Variants in LHFPL4 observed in about 807,000 individuals in gnomAD.
The protein encoded by LHFPL4 is LHFPL tetraspan subfamily member 4 protein.
LHFPL4 carries 6 observed loss-of-function variants against 20.0 expected under a neutral mutation model. The ratio of observed to expected loss-of-function variants is 0.30; its 90% CI spans 0.16 to 0.59. The LOEUF is 0.59. LHFPL4 is among the 20% of genes least tolerant of loss of function. LHFPL4 has a pLI of 0.88. For missense variants in LHFPL4, 215 were observed against 331.2 expected (o/e 0.65, Z 2.72); for synonymous variants, 129 against 143.8 (o/e 0.90, Z 0.74).
chr3:9,539,367 AT>A (rs768942885), intron 2 of LHFPL4, among the ~76,000 whole-genome samples: 1 of 149,396 alleles, frequency 6.7e-6, no homozygotes, highest in South Asian at 2.1e-4. Context: ...AGGCAGGAGA[AT>A]TGTTTGAACC....
chr3:9,508,029 TGC>T (rs2046230814), intron 2 of LHFPL4, among the ~76,000 whole-genome samples: 1 of 152,144 alleles, frequency 6.6e-6, no homozygotes, highest in Non-Finnish European at 1.5e-5. Context: ...GTCCACAGGG[TGC>T]TTAGCCTGGG....
At chr3:9,520,502 T>C (rs977053070) in intron 2 of LHFPL4, among the ~76,000 whole-genome samples, 5 of 151,966 alleles carry the variant, frequency 3.3e-5, no homozygotes, top group African/African-American at 1.2e-4. Flanking sequence ...TACAGGCACG[T>C]GCCACCACGC....
intron 2 of LHFPL4, among the ~76,000 whole-genome samples, chr3:9,518,219 T>G (rs974422203): frequency 2.6e-5 from 4 of 152,208 alleles, no homozygotes; most frequent in Non-Finnish European, 5.9e-5. Context: ...TTAATTGTTT[T>G]TTAATGCTAA....
chr3:9,509,445 C>G (rs1260050658), intron 2 of LHFPL4, among the ~76,000 whole-genome samples: 1 of 152,184 alleles, frequency 6.6e-6, no homozygotes, highest in African/African-American at 2.4e-5. Flanking sequence ...ATAGATCCCA[C>G]AAATACAGTC....
chr3:9,538,595 T>A (rs1203924790), intron 2 of LHFPL4, among the ~76,000 whole-genome samples: 2 of 152,328 alleles, frequency 1.3e-5, no homozygotes, highest in East Asian at 3.9e-4. Flanking sequence ...TTATTATTAT[T>A]GTCCCCATTT....
chr3:9,523,161 G>A (rs987990466), intron 2 of LHFPL4, among the ~76,000 whole-genome samples: 11 of 151,724 alleles, frequency 7.3e-5, no homozygotes, highest in Middle Eastern at 3.4e-3. Context: ...GCTCATGCCT[G>A]TAATCCCAGC....
intron 2 of LHFPL4, among the ~76,000 whole-genome samples, chr3:9,525,200 A>G (rs1365270396): frequency 6.6e-6 from 1 of 152,248 alleles, no homozygotes; most frequent in East Asian, 1.9e-4. Context: ...TTTCTTCAAT[A>G]TTCACCGTAA....
intron 2 of LHFPL4, among the ~76,000 whole-genome samples, chr3:9,517,573 A>G (rs1382391489): frequency 6.6e-6 from 1 of 150,820 alleles, no homozygotes; most frequent in Non-Finnish European, 1.5e-5. Context: ...GTGTGGTGGC[A>G]TGTTCCCAGC....
chr3:9,502,087 G>A lies in LHFPL4; in HGVS notation c.*124C>T. 1 of 726,230 alleles carries A rather than the reference G, an allele frequency of 1.4e-6. No homozygotes were observed. The highest frequency in any genetic ancestry group is 2.4e-6 in the Non-Finnish European group (1 of 409,078). 45.0% of individuals were successfully genotyped at this position (726,230 alleles called of 1,614,324 possible). A position where few individuals can be genotyped will look rare whatever the true frequency, so the allele number is the denominator to read the frequency against. On this transcript the variant is annotated 3_prime_UTR_variant, in exon 4 of 4. Transcript: ENST00000287585. Reference sequence around the variant, plus strand: ...CTCTCCTCAAAGCCTGGAGCTTGCAGGGTAGTCGGTGAGAAGTAAGTCTGA... The same window carrying A: ...CTCTCCTCAAAGCCTGGAGCTTGCAAGGTAGTCGGTGAGAAGTAAGTCTGA...
rs1455235172 is a variant in LHFPL4, at chr3:9,498,769, A to G, written c.*3442T>C. ...AGAAAGGTTATTCCCCGTGTGCCCA[A>G]GCAGGATGCTCAAAAGGCCAGGGAC... On this transcript the variant is annotated 3_prime_UTR_variant, in exon 4 of 4. Coordinates refer to ENST00000287585, the MANE Select transcript of LHFPL4 (RefSeq NM_198560.3). 1 of 152,656 alleles carries G rather than the reference A, an allele frequency of 6.6e-6. No individual in the cohort carries two copies. The highest frequency in any genetic ancestry group is 1.5e-5 in the Non-Finnish European group (1 of 68,044). The allele number at this position is 152,656 out of a possible 1,614,324, so 9.5% of individuals were successfully genotyped here.
rs568848140 is a variant in LHFPL4, at chr3:9,521,826, T to A, written c.407-15623A>T. 1.8e-4 allele frequency among the ~76,000 whole-genome samples: 27 copies of A among 152,340 alleles called. 1 individual carries two copies. The highest frequency in any genetic ancestry group is 5.0e-4 in the African/African-American group (21 of 41,592). On this transcript the variant is annotated intron_variant, in intron 2 of 3. Transcript: ENST00000287585. ...GACAACATATAACTGAGTCTTTTTT[T>A]AAAATCTATTCTGATAATCTCTTTT... is the stretch of plus-strand genomic sequence containing the variant.
At chr3:9,545,831 C>T (rs2046508229) in intron 2 of LHFPL4, among the ~76,000 whole-genome samples, 1 of 152,104 alleles carries the variant, frequency 6.6e-6, no homozygotes, top group African/African-American at 2.4e-5. Flanking sequence ...ATTTCTTAAG[C>T]CCGGGAGCCC....
At chr3:9,524,435 GTTTGTTTTAGTCTTTTTCCCTTTACTT>G (rs2046360885) in intron 2 of LHFPL4, among the ~76,000 whole-genome samples, 1 of 151,926 alleles carries the variant, frequency 6.6e-6, no homozygotes, top group South Asian at 2.1e-4. Context: ...TTGTTTGTTA[GTTTGTTTTAGTCTTTTTCCCTTTACTT>G]TTTGTTTTTA....
At chr3:9,544,965 C>CT (rs1016263469) in intron 2 of LHFPL4, among the ~76,000 whole-genome samples, 5 of 152,148 alleles carry the variant, frequency 3.3e-5, no homozygotes, top group Non-Finnish European at 7.3e-5. Context: ...TTGTGATGAT[C>CT]TGTTTTTGTT....
chr3:9,524,746 G>C (rs1467610943), intron 2 of LHFPL4, among the ~76,000 whole-genome samples: 2 of 152,110 alleles, frequency 1.3e-5, no homozygotes, highest in African/African-American at 2.4e-5. Flanking sequence ...CCATAATTGA[G>C]CCGGGTTCAC....
intron 2 of LHFPL4, among the ~76,000 whole-genome samples, chr3:9,546,269 C>T (rs775358610): frequency 2.7e-5 from 4 of 149,934 alleles, no homozygotes; most frequent in Admixed American, 1.3e-4. Flanking sequence ...GAGCTGAGAT[C>T]GCACCACTGC....
At chr3:9,520,143 T>C (rs1006160741) in intron 2 of LHFPL4, among the ~76,000 whole-genome samples, 2 of 152,076 alleles carry the variant, frequency 1.3e-5, no homozygotes, top group African/African-American at 4.8e-5. Context: ...TTGTAAGTTG[T>C]GTTTTCATTT....
chr3:9,541,784 A>AATGG lies in LHFPL4; in HGVS notation c.406+10486_406+10489dup, dbSNP rs2046478204. ...AAAATTTCGCCTCAAAGAAAAAAAAAATGGATCAAAGACCTAAATGTAAGA... is the reference window on the plus strand; with the variant it reads ...AAAATTTCGCCTCAAAGAAAAAAAAAATGGATGGATCAAAGACCTAAATGTAAGA... On this transcript the variant is annotated intron_variant, in intron 2 of 3. Transcript: ENST00000287585. Among the ~76,000 whole-genome samples, 3 of 152,116 alleles carry AATGG rather than the reference A, an allele frequency of 2.0e-5. 1 individual carries two copies. Among genetic ancestry groups the AATGG allele is most frequent in the African/African-American group, 7.2e-5 (3 of 41,430 alleles).
At position 9,535,694 on chromosome 3, in the gene LHFPL4, AAGGACCTGGCTAGGTTTG is replaced by A. The variant is rs370347500; in HGVS notation, c.406+16562_406+16579del. Among the ~76,000 whole-genome samples the A allele has an allele frequency of 5.5e-3, 835 of 152,272 alleles. 8 individuals carry two copies. The highest frequency in any genetic ancestry group is 0.019 in the African/African-American group (796 of 41,550). On this transcript the variant is annotated intron_variant, in intron 2 of 3. Transcript: ENST00000287585. ...CTTCAATTTAGGAAGGTTTTTCCAG[AAGGACCTGGCTAGGTTTG>A]AGACTGAGGGGAGTCCAGTGAATGA...
Sources: gnomAD v4.1 joint callset for allele counts (sites outside exome capture counted in the v4.1 genomes callset) on GRCh38, gnomAD v4.1.1 for gene constraint, MANE v1.5 for transcripts, NCBI Gene and HGNC (gene_info 2026-07-23, HGNC 2026-07-21) for gene names.